The following KMT2D variants were observed in gnomAD, a reference collection of about 807,000 sequenced individuals.
KMT2D encodes lysine methyltransferase 2D, also known as histone-lysine N-methyltransferase 2D.
A neutral mutation model predicts 512.7 loss-of-function variants in KMT2D; 55 were observed. The observed-to-expected ratio is 0.11, with a 90% CI of 0.09 to 0.13. The LOEUF is 0.13. KMT2D is among the 10% of genes least tolerant of loss of function. The pLI is 1.00. For synonymous variants in KMT2D, 2,995 were observed against 2,904.0 expected, an observed-to-expected ratio of 1.03 and a Z score of -1.01; for missense variants, 6,061 against 7,127.9, an observed-to-expected ratio of 0.85 and a Z score of 5.39.
intron 9 of KMT2D, 56 bp downstream of exon 9, chr12:49,052,859 C>A (rs1938161596): frequency 6.2e-7 from 1 of 1,606,352 alleles, no homozygotes; most frequent in Non-Finnish European, 8.5e-7. Context: ...AAGGCCCCTG[C>A]CAATGTCAGT....
Position 49,032,642 on chromosome 12 carries a change from CAGG to C in KMT2D, c.12060_12062del (p.Leu4021del), listed in dbSNP as rs1308139837. ...CTACGGTGTTTTGTTCCTTGCCCGT[CAGG>C]AGGAGGGTTGGACCCAGGGCTCCAG... is the stretch of plus-strand genomic sequence containing the variant. On this transcript the variant is annotated inframe_deletion, in exon 40 of 55. Coordinates refer to ENST00000301067, the MANE Select transcript of KMT2D (RefSeq NM_003482.4). 14 of 1,613,948 alleles carry C rather than the reference CAGG, an allele frequency of 8.7e-6. 1 individual carries two copies. In the Middle Eastern group the frequency reaches 4.9e-4, roughly 57 times the overall value.
chr12:49,048,201 T>A lies in KMT2D; in HGVS notation c.4132-132A>T, dbSNP rs1012296965. The A allele has an allele frequency of 1.5e-4, 89 of 604,646 alleles. No individual in the cohort carries two copies. The East Asian group carries it at 2.4e-3, about 16-fold the overall frequency. 37.5% of individuals were successfully genotyped at this position (604,646 alleles called of 1,614,324 possible). A position where few individuals can be genotyped will look rare whatever the true frequency, so the allele number is the denominator to read the frequency against. ...CCCATCCCACAGCGTTAGGATGCTG[T>A]AAGCTACCAAGGGACCCTGCTCCTT... is the stretch of plus-strand genomic sequence containing the variant. On this transcript the variant is annotated intron_variant, in intron 14 of 54. Coordinates refer to ENST00000301067, the MANE Select transcript of KMT2D (RefSeq NM_003482.4).
chr12:49,032,413 G>A lies in KMT2D; in HGVS notation c.12292C>T (p.Pro4098Ser), dbSNP rs1388458596. ...SLQLQPPLRL[P>S]GQQQQQVSLL... ...CTAACTTGCTGCTGCTGTTGTCCTGGAAGCCTCAGAGGTGGCTGCAGCTGC... is the reference window on the plus strand; with the variant it reads ...CTAACTTGCTGCTGCTGTTGTCCTGAAAGCCTCAGAGGTGGCTGCAGCTGC... The change falls in exon 40 of 55, where the codon CCA (proline) becomes TCA (serine). Residue 4098 changes from proline to serine, a missense_variant. Pro to Ser is a moderately conservative substitution (Grantham distance 74). This residue lies in a region of KMT2D where 1,600 missense variants were observed against 1,754.9 expected (regional missense o/e 0.91). Coordinates refer to ENST00000301067, the MANE Select transcript of KMT2D (RefSeq NM_003482.4). The A allele has an allele frequency of 6.3e-7, 1 of 1,591,492 alleles. No individual in the cohort carries two copies. Among genetic ancestry groups the A allele is most frequent in the African/African-American group, 1.3e-5 (1 of 74,570 alleles).
At chr12:49,028,993 C>T in intron 45 of KMT2D, 35 bp from the exon 46 acceptor site, 1 of 1,610,288 alleles carries the variant, frequency 6.2e-7, no homozygotes, top group Non-Finnish European at 8.5e-7. Context: ...TAACACTTGG[C>T]CGCCTCTCCC....
In KMT2D at chr12:49,037,213, G is replaced by T. The variant is rs775512107; in HGVS notation, c.10143C>A (p.Pro3381=). The change falls in exon 35 of 55, where the codon CCC becomes CCA. Residue 3381 remains proline (P), a synonymous_variant. Transcript: ENST00000301067. ...ACATGGAAGGTGGCATGGTGCCCATGGGCTTCTGTGATAGCACTGGCTGTG... is the reference window on the plus strand; with the variant it reads ...ACATGGAAGGTGGCATGGTGCCCATTGGCTTCTGTGATAGCACTGGCTGTG... The part of the protein sequence containing the change: ...QSSQPVLSQK[P]MGTMPPSMCM... 5.0e-6 allele frequency: 8 copies of T among 1,612,180 alleles called. No homozygotes were observed. In the South Asian group the frequency reaches 8.8e-5, roughly 18 times the overall value.
In KMT2D at chr12:49,040,773, G is replaced by A. The variant is rs370380369; in HGVS notation, c.6997C>T (p.Pro2333Ser). ...TPDVFKAPLT[P>S]RASQVEPQSP... Reference sequence around the variant, plus strand: ...TGGGGCTCTACCTGAGATGCCCGAGGGGTCAGGGGGGCTTTGAAGACATCA... The same window carrying A: ...TGGGGCTCTACCTGAGATGCCCGAGAGGTCAGGGGGGCTTTGAAGACATCA... The change falls in exon 32 of 55, where the codon CCT (proline) becomes TCT (serine). Residue 2333 changes from proline (P) to serine (S), a missense_variant. This residue lies in a region of KMT2D where 710 missense variants were observed against 647.3 expected (regional missense o/e 1.10). Coordinates refer to ENST00000301067, the MANE Select transcript of KMT2D (RefSeq NM_003482.4). 5.1e-5 allele frequency: 82 copies of A among 1,613,516 alleles called. No homozygotes were observed. The highest frequency in any genetic ancestry group is 6.8e-5 in the Non-Finnish European group (80 of 1,179,734).
intron 43 of KMT2D, 132 bp downstream of exon 43, chr12:49,030,148 A>C: frequency 1.4e-6 from 1 of 709,936 alleles, no homozygotes; most frequent in Non-Finnish European, 2.3e-6. Context: ...GGCCCTTCCT[A>C]CCTCAGGTGC....
chr12:49,034,749 G>A (rs2120459176), intron 36 of KMT2D, 63 bp downstream of exon 36: 2 of 1,606,940 alleles, frequency 1.2e-6, no homozygotes, highest in Non-Finnish European at 1.7e-6. Flanking sequence ...GTAGGGAGGG[G>A]AGCCAAGAAG....
intron 46 of KMT2D, 93 bp downstream of exon 46, chr12:49,028,735 C>A (rs2120384632): frequency 6.6e-7 from 1 of 1,525,156 alleles, no homozygotes. Context: ...AGTACATGTG[C>A]TTGAACGACT....
chr12:49,028,227 C>G, intron 46 of KMT2D, 86 bp from the exon 47 acceptor site: 2 of 1,525,508 alleles, frequency 1.3e-6, no homozygotes, highest in Non-Finnish European at 1.8e-6. Context: ...GGGACAAGGA[C>G]ACCTAGAACC....
At position 49,038,604 on chromosome 12, in the gene KMT2D, G is replaced by C. The variant is rs1943338072; in HGVS notation, c.8752C>G (p.Pro2918Ala). The C allele has an allele frequency of 1.9e-6, 3 of 1,612,894 alleles. No individual in the cohort carries two copies. Among genetic ancestry groups the C allele is most frequent in the Non-Finnish European group, 1.7e-6 (2 of 1,179,506 alleles). The change falls in exon 35 of 55, where the codon CCT (proline) becomes GCT (alanine). Residue 2918 changes from proline (P) to alanine (A), a missense_variant. Physicochemically the swap from Pro to Ala is conservative, Grantham distance 27. This residue lies in a region of KMT2D where 527 missense variants were observed against 578.9 expected (regional missense o/e 0.91). Coordinates refer to ENST00000301067, the MANE Select transcript of KMT2D (RefSeq NM_003482.4). This position sits in a 1 kb window ranked among gnomAD's most constrained non-coding sequence, Gnocchi z 5.7. ...ACCGCCAGGCCCCGAAGCCCTTCAGGAGCCAGTCGGTGGGGGTCCTCACTT... is the reference window on the plus strand; with the variant it reads ...ACCGCCAGGCCCCGAAGCCCTTCAGCAGCCAGTCGGTGGGGGTCCTCACTT... ...PVSEDPHRLAPEGLRGLAVSG... is the reference protein window; with the variant it reads ...PVSEDPHRLAAEGLRGLAVSG...
intron 10 of KMT2D, 30 bp downstream of exon 10, chr12:49,052,534 G>A (rs2120688958): frequency 6.2e-7 from 1 of 1,608,140 alleles, no homozygotes. Context: ...AAAAGGGGAT[G>A]AATTTCAGGG....
Position 49,020,679 on chromosome 12 carries a change from G to A in KMT2D, c.*1101C>T, listed in dbSNP as rs773923371. ...GTGACTGAGGGAAAGTGGGAGCTCC[G>A]GGCCACACCCTGCCTCACTAGGTAT... On this transcript the variant is annotated 3_prime_UTR_variant, in exon 55 of 55. Transcript: ENST00000301067. The A allele has an allele frequency of 2.1e-5, 4 of 190,096 alleles. No homozygotes were observed. Among genetic ancestry groups the A allele is most frequent in the South Asian group, 4.1e-4 (2 of 4,882 alleles). 11.8% of individuals were successfully genotyped at this position (190,096 alleles called of 1,614,324 possible). A position where few individuals can be genotyped will look rare whatever the true frequency, so the allele number is the denominator to read the frequency against.
rs766243479 is a variant in KMT2D, at chr12:49,050,015, C to T, written c.3573G>A (p.Pro1191=). The change falls in exon 12 of 55, where the codon CCG becomes CCA. Residue 1191 remains proline, a synonymous_variant. Coordinates refer to ENST00000301067, the MANE Select transcript of KMT2D (RefSeq NM_003482.4). ...PCEEQEEPRA[P]VAPTPPTLIK... is the part of the protein sequence containing the mutation. ...TGAGAGTGGGTGGTGTGGGGGCCAC[C>T]GGTGCACGTGGCTCTTCCTGTTCTT... The T allele has an allele frequency of 3.0e-5, 48 of 1,613,794 alleles. No homozygotes were observed. Among genetic ancestry groups the T allele is most frequent in the East Asian group, 4.5e-5 (2 of 44,898 alleles).
rs947365411 is a variant in KMT2D at position 49,059,731 on chromosome 12, G to T, written c.-156C>A. The T allele has an allele frequency of 6.6e-6, 1 of 151,790 alleles. No homozygotes were observed. Among genetic ancestry groups the T allele is most frequent in the Non-Finnish European group, 1.5e-5 (1 of 67,964 alleles). The allele number at this position is 151,790 out of a possible 1,614,324, so 9.4% of individuals were successfully genotyped here. A position where few individuals can be genotyped will look rare whatever the true frequency, so the allele number is the denominator to read the frequency against. ...CCCCCCGCACGGGGGGGCTTAGGGGGGCCAAGAACGGTAAATCCAGGTCGG... is the reference window on the plus strand; with the variant it reads ...CCCCCCGCACGGGGGGGCTTAGGGGTGCCAAGAACGGTAAATCCAGGTCGG... On this transcript the variant is annotated 5_prime_UTR_variant, in exon 1 of 55. Transcript: ENST00000301067.
rs2120586772 is a variant in KMT2D at position 49,044,722 on chromosome 12, C to A, written c.4963+22G>T. On this transcript the variant is annotated intron_variant, in intron 20 of 54. Transcript: ENST00000301067. The surrounding 1 kb of genome is among the most constrained non-coding windows in gnomAD (Gnocchi z 6.4). ...GTCACGCTCCCCCTACTCTGCCGCT[C>A]CCTAAGATTCCCCAAGCTAACCTTC... 6.2e-7 allele frequency: 1 copy of A among 1,604,736 alleles called. No individual in the cohort carries two copies. The highest frequency in any genetic ancestry group is 8.5e-7 in the Non-Finnish European group (1 of 1,172,280).
Position 49,037,250 on chromosome 12 carries a change from G to A in KMT2D, c.10106C>T (p.Pro3369Leu), listed in dbSNP as rs375843343. Residue 3369 changes from proline (P) to leucine (L), a missense_variant, in exon 35 of 55, where the codon CCC (proline) becomes CTC (leucine). This residue lies in a region of KMT2D where 533 missense variants were observed against 539.6 expected (regional missense o/e 0.99). Coordinates refer to ENST00000301067, the MANE Select transcript of KMT2D (RefSeq NM_003482.4). ...TAGCACTGGCTGTGAGCTCTGCTGG[G>A]GTACCAAGCCTGCCTGCCCTCCATG... ...GQHGGQAGLV[P>L]QQSSQPVLSQ... is the part of the protein sequence containing the mutation. 6.2e-7 allele frequency: 1 copy of A among 1,613,666 alleles called. No individual in the cohort carries two copies. Among genetic ancestry groups the A allele is most frequent in the South Asian group, 1.1e-5 (1 of 91,054 alleles).
At position 49,033,373 on chromosome 12, in the gene KMT2D, G is replaced by A. The variant is rs2120442247; in HGVS notation, c.11332C>T (p.Pro3778Ser). Reference sequence around the variant, plus strand: ...AGGAGGCCTTGGTGGCTGCTGGGAGGCATAAGGCCCTGGGGCTTGGGACCC... The same window carrying A: ...AGGAGGCCTTGGTGGCTGCTGGGAGACATAAGGCCCTGGGGCTTGGGACCC... ...ALGPKPQGLM[P>S]PSSHQGLLVQ... is the part of the protein sequence containing the mutation. Residue 3778 changes from proline (P) to serine (S), a missense_variant, in exon 40 of 55, where the codon CCT becomes TCT. Physicochemically the swap from Pro to Ser is moderately conservative, Grantham distance 74 (BLOSUM62 -1). Transcript: ENST00000301067. 6.3e-7 allele frequency: 1 copy of A among 1,579,814 alleles called. No homozygotes were observed. The highest frequency in any genetic ancestry group is 1.2e-5 in the South Asian group (1 of 86,940).
rs2120438969 is a variant in KMT2D, at chr12:49,033,104, TTGCTGTTGG to T, written c.11592_11600del (p.His3864_Gln3866del). The T allele has an allele frequency of 6.4e-7, 1 of 1,551,522 alleles. No homozygotes were observed. The highest frequency in any genetic ancestry group is 8.7e-7 in the Non-Finnish European group (1 of 1,146,898). ...GATGGGACAGCCCTGCCATGGACCC[TTGCTGTTGG>T]TGCTGTTGTTGCTGCTGCTGCTGCT... On this transcript the variant is annotated inframe_deletion, in exon 40 of 55. Transcript: ENST00000301067.
Sources: allele counts gnomAD v4.1 joint callset, GRCh38; gene constraint gnomAD v4.1.1; regional missense constraint gnomAD v4.1.1; non-coding constraint Gnocchi (gnomAD v3.1); transcripts MANE v1.5; gene names NCBI Gene and HGNC (gene_info 2026-07-23, HGNC 2026-07-21).